SRD5A2: variants seen among roughly 807,000 people sequenced by gnomAD.
SRD5A2 encodes the protein steroid 5 alpha-reductase 2.
A neutral mutation model predicts 27.4 loss-of-function variants in SRD5A2; 30 were observed. The ratio of observed to expected loss-of-function variants is 1.10; its 90% CI spans 0.82 to 1.49. The LOEUF (loss-of-function observed/expected upper bound fraction) is 1.49, where lower values mean the gene tolerates loss of function less well. Ranked by LOEUF, SRD5A2 falls within the 40% of genes most tolerant of loss-of-function variation. The pLI is 0.00. For missense variants in SRD5A2, 348 were observed against 323.4 expected (o/e 1.08, Z -0.58); for synonymous variants, 141 against 133.6 (o/e 1.06, Z -0.38).
At chr2:31,581,483 G>T (rs1355544172), upstream of SRD5A2, among the ~76,000 whole-genome samples, 1 of 152,106 alleles carries the variant, frequency 6.6e-6, no homozygotes, top group Non-Finnish European at 1.5e-5. Flanking sequence ...GGGGCGCCGC[G>T]CTCCTTAGCC....
rs562920174 is a variant in SRD5A2 at position 31,526,120 on chromosome 2, T to C, written c.*76A>G. 123 of 1,003,020 alleles carry C rather than the reference T, an allele frequency of 1.2e-4. 2 individuals are homozygous for C. In the South Asian group the frequency reaches 1.6e-3, roughly 13 times the overall value. The allele number at this position is 1,003,020 out of a possible 1,614,324, so 62.1% of individuals were successfully genotyped here. A position where few individuals can be genotyped will look rare whatever the true frequency, so the allele number is the denominator to read the frequency against. On this transcript the variant is annotated 3_prime_UTR_variant, in exon 5 of 5. Coordinates refer to ENST00000622030, the MANE Select transcript of SRD5A2 (RefSeq NM_000348.4). ...ACATATATACGGGACTATTATATCA[T>C]GAAAATTACAGTTTCAGCAGCTTGA...
chr2:31,612,412 A>G, the SRD5A2 span, among the ~76,000 whole-genome samples: 5 of 152,228 alleles, frequency 3.3e-5, no homozygotes, highest in Admixed American at 3.3e-4. Context: ...TAAAATCTCA[A>G]TTACAATAGC....
At chr2:31,537,027 C>A (rs556822957) in intron 1 of SRD5A2, among the ~76,000 whole-genome samples, 260 of 152,250 alleles carry the variant, frequency 1.7e-3, no homozygotes, top group African/African-American at 5.9e-3. Context: ...ATTGCAAATC[C>A]AAATTAAACC....
chr2:31,622,211 A>T, the SRD5A2 span, among the ~76,000 whole-genome samples: 2 of 152,108 alleles, frequency 1.3e-5, no homozygotes, highest in Admixed American at 1.3e-4. Flanking sequence ...ATAAGTGAGA[A>T]CATGCAGTAT....
At chr2:31,569,994 T>A (rs926442245) in intron 1 of SRD5A2, among the ~76,000 whole-genome samples, 1 of 152,130 alleles carries the variant, frequency 6.6e-6, no homozygotes, top group Non-Finnish European at 1.5e-5. Context: ...CTCCAAAAAA[T>A]TGAGGAAGAG....
At chr2:31,632,260 T>C in the SRD5A2 span, among the ~76,000 whole-genome samples, 1 of 152,312 alleles carries the variant, frequency 6.6e-6, no homozygotes, top group South Asian at 2.1e-4. Context: ...GCTTGAGTCA[T>C]GGCCCTCAGG....
chr2:31,531,308 T>C, intron 3 of SRD5A2, 63 bp downstream of exon 3: 6 of 1,225,810 alleles, frequency 4.9e-6, no homozygotes, highest in Non-Finnish European at 5.8e-6. Flanking sequence ...TCTGCTACCA[T>C]AGCATCATCC....
the SRD5A2 span, among the ~76,000 whole-genome samples, chr2:31,595,147 A>G: frequency 3.5e-4 from 53 of 152,134 alleles, no homozygotes; most frequent in African/African-American, 1.2e-3. Flanking sequence ...CACACCTCAA[A>G]AAGCTACAGA....
the SRD5A2 span, among the ~76,000 whole-genome samples, chr2:31,626,214 T>C: frequency 2.0e-4 from 31 of 152,222 alleles, no homozygotes; most frequent in Non-Finnish European, 3.8e-4. Flanking sequence ...TTTTGTATCC[T>C]GAGACTTTGT....
the SRD5A2 span, among the ~76,000 whole-genome samples, chr2:31,601,401 G>A: frequency 2.0e-5 from 3 of 151,972 alleles, no homozygotes; most frequent in Non-Finnish European, 4.4e-5. Flanking sequence ...CCAAAAATGA[G>A]TTCTGAAACT....
chr2:31,627,629 AT>A, the SRD5A2 span, among the ~76,000 whole-genome samples: 1 of 152,228 alleles, frequency 6.6e-6, no homozygotes, highest in Non-Finnish European at 1.5e-5. Context: ...CCCTCTTAAC[AT>A]GCTTTGGCTG....
At chr2:31,624,821 T>C in the SRD5A2 span, among the ~76,000 whole-genome samples, 1 of 152,192 alleles carries the variant, frequency 6.6e-6, no homozygotes, top group Admixed American at 6.6e-5. Context: ...TAAATATGCA[T>C]GTGCATGTGT....
chr2:31,643,805 T>TA, the SRD5A2 span, among the ~76,000 whole-genome samples: 2 of 152,252 alleles, frequency 1.3e-5, no homozygotes, highest in Non-Finnish European at 2.9e-5. Flanking sequence ...CTGAGTGAAG[T>TA]AAAATCCATG....
chr2:31,540,553 G>C (rs1230224367), intron 1 of SRD5A2, among the ~76,000 whole-genome samples: 1 of 152,166 alleles, frequency 6.6e-6, no homozygotes, highest in East Asian at 1.9e-4. Flanking sequence ...GAGCATCCTG[G>C]GGAGCTGCAA....
chr2:31,659,271 T>A, the SRD5A2 span, among the ~76,000 whole-genome samples: 1 of 151,974 alleles, frequency 6.6e-6, no homozygotes. Flanking sequence ...AAAACCAGAA[T>A]AAGACAAGGA....
At chr2:31,643,576 G>C in the SRD5A2 span, among the ~76,000 whole-genome samples, 1 of 152,004 alleles carries the variant, frequency 6.6e-6, no homozygotes, top group South Asian at 2.1e-4. Flanking sequence ...TTTATAAATA[G>C]CATTTTCCAC....
the SRD5A2 span, among the ~76,000 whole-genome samples, chr2:31,610,031 T>C: frequency 6.6e-6 from 1 of 152,016 alleles, no homozygotes; most frequent in Non-Finnish European, 1.5e-5. Flanking sequence ...ATAATAAAAA[T>C]GTTCCCATCA....
At chr2:31,639,989 T>C in the SRD5A2 span, among the ~76,000 whole-genome samples, 4 of 152,208 alleles carry the variant, frequency 2.6e-5, no homozygotes, top group African/African-American at 9.6e-5. Flanking sequence ...ATTTGGTCTT[T>C]TAATGTAATT....
At chr2:31,647,180 C>T in the SRD5A2 span, among the ~76,000 whole-genome samples, 1 of 151,892 alleles carries the variant, frequency 6.6e-6, no homozygotes, top group Non-Finnish European at 1.5e-5. Context: ...AACAGCTGTA[C>T]CATAGACACA....
Sources: allele counts gnomAD v4.1 joint callset (sites outside exome capture counted in the v4.1 genomes callset), GRCh38; gene constraint gnomAD v4.1.1; transcripts MANE v1.5; gene names NCBI Gene and HGNC (gene_info 2026-07-23, HGNC 2026-07-21).